Variants in MKLN1 observed in about 807,000 individuals in gnomAD.
The protein encoded by MKLN1 is muskelin 1.
Under a neutral mutation model 99.0 loss-of-function variants are expected in MKLN1, and 18 were observed. The observed-to-expected ratio is 0.18, with a 90% confidence interval of 0.13 to 0.27. MKLN1 has a LOEUF of 0.27. Among genes scored for constraint, MKLN1 ranks in the 10% least tolerant of loss-of-function variants. The probability of loss-of-function intolerance (pLI) is 1.00; values close to 1 mark genes in which losing one functional copy is unlikely to be tolerated. For missense variants in MKLN1, 621 were observed against 875.9 expected, an observed-to-expected ratio of 0.71 and a Z score of 3.67; for synonymous variants, 288 against 293.2, an observed-to-expected ratio of 0.98 and a Z score of 0.18.
chr7:131,202,792 T>C (rs6467364), intron 2 of MKLN1: 75,514 of 152,038 alleles, frequency 0.5, 19,356 homozygotes, highest in South Asian at 0.64. Flanking sequence ...ATTTTAAAGA[T>C]CTTGAAGGCA....
intron 3 of MKLN1, chr7:131,310,638 A>AG (rs1207567503): frequency 5.9e-5 from 9 of 152,380 alleles, no homozygotes; most frequent in African/African-American, 1.9e-4. Context: ...ACAAGGGACC[A>AG]GGCCAGTCTT....
At chr7:131,330,356 G>A (rs187737759) in intron 1 of MKLN1, among the ~76,000 whole-genome samples, 1 of 152,308 alleles carries the variant, frequency 6.6e-6, no homozygotes, top group East Asian at 1.9e-4. Context: ...TTTCGAGGTG[G>A]CAGTAATAAA....
intron 3 of MKLN1, among the ~76,000 whole-genome samples, chr7:131,213,645 A>G (rs1287116171): frequency 1.3e-5 from 2 of 152,240 alleles, no homozygotes; most frequent in African/African-American, 2.4e-5. Context: ...CGATGAGTCT[A>G]GACAATTTAC....
At chr7:131,188,853 G>C (rs912091302) in intron 2 of MKLN1, among the ~76,000 whole-genome samples, 1 of 152,140 alleles carries the variant, frequency 6.6e-6, no homozygotes, top group Non-Finnish European at 1.5e-5. Context: ...AAAGCGGAAA[G>C]AACGAGTCAT....
intron 2 of MKLN1, among the ~76,000 whole-genome samples, chr7:131,172,210 G>A (rs1157012747): frequency 2.6e-5 from 4 of 151,894 alleles, no homozygotes; most frequent in East Asian, 1.9e-4. Context: ...ACACGAACTC[G>A]GCTCACTGCA....
At chr7:131,271,358 C>T (rs1797880860) in intron 3 of MKLN1, among the ~76,000 whole-genome samples, 1 of 152,184 alleles carries the variant, frequency 6.6e-6, no homozygotes, top group Non-Finnish European at 1.5e-5. Flanking sequence ...GTGGCTCATG[C>T]CTGTAATCCC....
intron 8 of MKLN1, among the ~76,000 whole-genome samples, chr7:131,422,287 C>T (rs142326045): frequency 6.6e-6 from 1 of 152,286 alleles, no homozygotes; most frequent in Non-Finnish European, 1.5e-5. Context: ...GTAGCTCATA[C>T]CTATAATCCC....
At chr7:131,435,740 G>C (rs187791738) in intron 9 of MKLN1, among the ~76,000 whole-genome samples, 1 of 151,932 alleles carries the variant, frequency 6.6e-6, no homozygotes, top group Non-Finnish European at 1.5e-5. Flanking sequence ...TGTTAATCTT[G>C]CTTTCATTTC....
chr7:131,216,508 AC>A (rs1796985043), intron 3 of MKLN1, among the ~76,000 whole-genome samples: 1 of 152,156 alleles, frequency 6.6e-6, no homozygotes, highest in Non-Finnish European at 1.5e-5. Context: ...TATTTTAATA[AC>A]CATTGCTTTG....
At chr7:131,422,780 T>C (rs892629538) in intron 8 of MKLN1, among the ~76,000 whole-genome samples, 8 of 152,050 alleles carry the variant, frequency 5.3e-5, no homozygotes, top group Non-Finnish European at 1.0e-4. Context: ...AAGGATACAG[T>C]GACCATTTTA....
intron 3 of MKLN1, among the ~76,000 whole-genome samples, chr7:131,229,674 G>A (rs887376338): frequency 8.5e-5 from 13 of 152,066 alleles, no homozygotes; most frequent in African/African-American, 1.9e-4. Flanking sequence ...TTCTGCTTCC[G>A]CATCCTGAGG....
intron 1 of MKLN1, among the ~76,000 whole-genome samples, chr7:131,133,337 T>C (rs1039232652): frequency 1.5e-4 from 21 of 144,622 alleles, no homozygotes; most frequent in Non-Finnish European, 1.8e-4. Context: ...TTAATTTTTT[T>C]TTTCTTTCTT....
At chr7:131,328,103 T>TCTCG in intron 1 of MKLN1, 106 bp downstream of exon 1, 2 of 1,369,258 alleles carry the variant, frequency 1.5e-6, no homozygotes, top group Non-Finnish European at 2.0e-6. Context: ...AGGCGGGGCC[T>TCTCG]GCTGAGGGGG....
intron 2 of MKLN1, among the ~76,000 whole-genome samples, chr7:131,152,290 C>T (rs913586906): frequency 3.3e-5 from 5 of 152,066 alleles, no homozygotes; most frequent in African/African-American, 9.7e-5. Context: ...CCACTGTACT[C>T]CAGCCTGGGT....
chr7:131,234,811 G>A (rs139018542), intron 3 of MKLN1, among the ~76,000 whole-genome samples: 31 of 152,248 alleles, frequency 2.0e-4, no homozygotes, highest in African/African-American at 6.5e-4. Context: ...AAATGCTGTC[G>A]TGTCAGGCTG....
intron 2 of MKLN1, among the ~76,000 whole-genome samples, chr7:131,153,570 C>T (rs1471837695): frequency 6.6e-6 from 1 of 151,834 alleles, no homozygotes; most frequent in Non-Finnish European, 1.5e-5. Flanking sequence ...AGAAATAACC[C>T]CAATGTCTAT....
intron 12 of MKLN1, among the ~76,000 whole-genome samples, chr7:131,454,788 G>A (rs1796286162): frequency 6.6e-6 from 1 of 152,192 alleles, no homozygotes; most frequent in Admixed American, 6.5e-5. Flanking sequence ...GATGACAGTA[G>A]AGAGATGCTG....
At chr7:131,393,326 A>G (rs1313297873) in intron 4 of MKLN1, among the ~76,000 whole-genome samples, 1 of 152,224 alleles carries the variant, frequency 6.6e-6, no homozygotes, top group African/African-American at 2.4e-5. Context: ...GTGTTCTAAT[A>G]TGCATTATTA....
chr7:131,305,189 T>C (rs1318376961), intron 3 of MKLN1, among the ~76,000 whole-genome samples: 1 of 152,182 alleles, frequency 6.6e-6, no homozygotes, highest in Non-Finnish European at 1.5e-5. Context: ...TATAGAAGCA[T>C]GAACAGACTC....
Sources: allele counts gnomAD v4.1 joint callset (sites outside exome capture counted in the v4.1 genomes callset), GRCh38; gene constraint gnomAD v4.1.1; transcripts MANE v1.5; gene names NCBI Gene and HGNC (gene_info 2026-07-23, HGNC 2026-07-21).